The following CADPS2 variants were observed in gnomAD, a reference collection of about 807,000 sequenced individuals.
CADPS2 encodes the protein calcium-dependent secretion activator 2.
In CADPS2, 93 loss-of-function variants were observed where a neutral mutation model predicts 172.5. That is an observed-to-expected ratio of 0.54 (90% CI 0.46 to 0.64). CADPS2 has a LOEUF of 0.64. Ranked by LOEUF, CADPS2 falls within the 30% of genes least tolerant of loss-of-function variation. The pLI, the probability that CADPS2 is intolerant of heterozygous loss-of-function variation, is 0.00. For synonymous variants in CADPS2, 546 were observed against 555.2 expected (o/e 0.98, Z 0.23); for missense variants, 1,420 against 1,565.9 (o/e 0.91, Z 1.57).
chr7:122,451,437 T>C lies in CADPS2; in HGVS notation c.2225A>G (p.Glu742Gly). 6.3e-7 allele frequency: 1 copy of C among 1,587,550 alleles called. No homozygotes were observed. The highest frequency in any genetic ancestry group is 8.6e-7 in the Non-Finnish European group (1 of 1,166,206). ...TCTCTCTTTTATCTCCTCAAATCTT[T>C]CTTTTTCTTCCACTGAAACAGTCCC... ...GIGTVSVEEK[E>G]RFEEIKERLS... is the part of the protein sequence containing the mutation. The change falls in exon 15 of 30, where the codon GAA (glutamate) becomes GGA (glycine). Residue 742 changes from glutamate (E) to glycine (G), a missense_variant. By Grantham distance (98) the Glu-to-Gly change is moderately conservative. Transcript: ENST00000449022.
chr7:122,817,043 A>T (rs1801660578), intron 1 of CADPS2, among the ~76,000 whole-genome samples: 1 of 150,174 alleles, frequency 6.7e-6, no homozygotes, highest in South Asian at 2.1e-4. Context: ...CTCAAATCCT[A>T]TAAAACGGCC....
intron 1 of CADPS2, among the ~76,000 whole-genome samples, chr7:122,878,307 T>C (rs573836106): frequency 2.9e-5 from 4 of 136,852 alleles, no homozygotes; most frequent in Non-Finnish European, 6.3e-5. Flanking sequence ...ATGATACAAG[T>C]AAAAAATTTC....
intron 14 of CADPS2, 47 bp downstream of exon 14, chr7:122,471,328 C>T: frequency 2.1e-6 from 3 of 1,423,202 alleles, no homozygotes; most frequent in Non-Finnish European, 2.8e-6. Context: ...CTCTCTTTTC[C>T]ATAGTCAACC....
chr7:122,369,139 C>CTA (rs1554469693), intron 25 of CADPS2, among the ~76,000 whole-genome samples: 1 of 84,598 alleles, frequency 1.2e-5, no homozygotes, highest in African/African-American at 4.7e-5. Flanking sequence ...CCCCCCCCCC[C>CTA]CCCTTTTTTT....
intron 8 of CADPS2, among the ~76,000 whole-genome samples, chr7:122,515,873 T>G (rs2060331453): frequency 6.6e-6 from 1 of 151,864 alleles, no homozygotes. Flanking sequence ...TTAATATGCT[T>G]TCTTTCACCT....
intron 9 of CADPS2, among the ~76,000 whole-genome samples, chr7:122,511,944 C>T (rs760926834): frequency 3.3e-5 from 5 of 152,192 alleles, no homozygotes; most frequent in Middle Eastern, 3.4e-3. Context: ...AAATAGATGA[C>T]CCACAACCCC....
chr7:122,606,671 T>C (rs1232371390), intron 6 of CADPS2, among the ~76,000 whole-genome samples: 1 of 152,020 alleles, frequency 6.6e-6, no homozygotes, highest in African/African-American at 2.4e-5. Context: ...TTTAATACTC[T>C]AAATAGTACA....
At chr7:122,658,410 A>G (rs985903204) in intron 3 of CADPS2, among the ~76,000 whole-genome samples, 1 of 152,236 alleles carries the variant, frequency 6.6e-6, no homozygotes, top group Non-Finnish European at 1.5e-5. Context: ...AAGGATTAGA[A>G]ATCATGCTGC....
intron 25 of CADPS2, among the ~76,000 whole-genome samples, chr7:122,369,377 T>C (rs979273955): frequency 3.9e-5 from 6 of 152,004 alleles, no homozygotes; most frequent in Admixed American, 1.3e-4. Flanking sequence ...GTGATCCGCC[T>C]GCCTCAGCCT....
intron 2 of CADPS2, among the ~76,000 whole-genome samples, chr7:122,716,498 G>T (rs2089621254): frequency 6.6e-6 from 1 of 152,058 alleles, no homozygotes; most frequent in Non-Finnish European, 1.5e-5. Flanking sequence ...GCTCCACACA[G>T]AAAGGAACAC....
chr7:122,632,226 T>C (rs1037485982), intron 3 of CADPS2, among the ~76,000 whole-genome samples: 2 of 152,218 alleles, frequency 1.3e-5, no homozygotes, highest in African/African-American at 2.4e-5. Context: ...TACCCAGTAG[T>C]AGGATTTCTA....
At chr7:122,854,329 C>T (rs952150806) in intron 1 of CADPS2, among the ~76,000 whole-genome samples, 1 of 152,130 alleles carries the variant, frequency 6.6e-6, no homozygotes, top group African/African-American at 2.4e-5. Flanking sequence ...CATGATCATG[C>T]CGCTGCGCTC....
intron 3 of CADPS2, among the ~76,000 whole-genome samples, chr7:122,631,510 C>T (rs1222563624): frequency 6.6e-6 from 1 of 152,000 alleles, no homozygotes; most frequent in African/African-American, 2.4e-5. Flanking sequence ...AACTCCTGGG[C>T]TCAAGTGATC....
chr7:122,592,875 T>C lies in CADPS2; in HGVS notation c.1224-11585A>G, dbSNP rs2071102607. Among the ~76,000 whole-genome samples the C allele has an allele frequency of 4.6e-5, 7 of 151,644 alleles. No individual in the cohort carries two copies. The South Asian group carries it at 1.5e-3, about 32-fold the overall frequency. On this transcript the variant is annotated intron_variant, in intron 6 of 29. Transcript: ENST00000449022. ...AGGGGGGAGGAATAGCATTAGGAGA[T>C]ATACCTAATGTAAATGATGAGTTAT...
intron 2 of CADPS2, among the ~76,000 whole-genome samples, chr7:122,727,796 T>C (rs910818431): frequency 6.6e-6 from 1 of 151,874 alleles, no homozygotes; most frequent in African/African-American, 2.4e-5. Flanking sequence ...GAAAACACAT[T>C]GTGCAAATTC....
At chr7:122,833,286 A>G (rs570511943) in intron 1 of CADPS2, among the ~76,000 whole-genome samples, 2 of 152,326 alleles carry the variant, frequency 1.3e-5, no homozygotes, top group African/African-American at 2.4e-5. Context: ...ATTTTTCACC[A>G]TATTGTTATT....
At chr7:122,577,443 T>G (rs934748381) in intron 7 of CADPS2, among the ~76,000 whole-genome samples, 1 of 152,142 alleles carries the variant, frequency 6.6e-6, no homozygotes, top group African/African-American at 2.4e-5. Flanking sequence ...CTTTTGGGTT[T>G]GACTTCTTCC....
At chr7:122,576,720 G>C (rs923832030) in intron 7 of CADPS2, among the ~76,000 whole-genome samples, 5 of 151,972 alleles carry the variant, frequency 3.3e-5, no homozygotes, top group African/African-American at 1.2e-4. Flanking sequence ...TGGATCACCG[G>C]GATGGTTTCC....
chr7:122,702,147 T>C (rs749155939), intron 2 of CADPS2: 199 of 1,613,580 alleles, frequency 1.2e-4, no homozygotes, highest in Non-Finnish European at 1.6e-4. Flanking sequence ...AAGTAGGCAA[T>C]TGTGGCAGCC....
Sources: allele counts gnomAD v4.1 joint callset (sites outside exome capture counted in the v4.1 genomes callset), GRCh38; gene constraint gnomAD v4.1.1; transcripts MANE v1.5; gene names NCBI Gene and HGNC (gene_info 2026-07-23, HGNC 2026-07-21).